The following DLG2 variants were observed in gnomAD, a reference collection of about 807,000 sequenced individuals.
The protein encoded by DLG2 is discs large MAGUK scaffold protein 2.
A neutral mutation model predicts 132.5 loss-of-function variants in DLG2; 45 were observed. The observed-to-expected ratio is 0.34, with a 90% CI of 0.27 to 0.44. The LOEUF is 0.44. Ranked by LOEUF, DLG2 falls within the 20% of genes least tolerant of loss-of-function variation. The pLI is 1.00. For synonymous variants in DLG2, 424 were observed against 419.6 expected (o/e 1.01, Z -0.13); for missense variants, 1,045 against 1,196.9 (o/e 0.87, Z 1.87).
chr11:85,611,674 T>C lies in DLG2; in HGVS notation c.-92-12886A>G, dbSNP rs532509277. On this transcript the variant is annotated intron_variant, in intron 2 of 27. Transcript: ENST00000376104. ...TTATAACTGGGAAAGGGAAAAAGAA[T>C]AAATGTGTATACAGATAGCAGATAT... Among the ~76,000 whole-genome samples the C allele has an allele frequency of 5.3e-5, 8 of 152,342 alleles. No homozygotes were observed. In the South Asian group the frequency reaches 1.7e-3, roughly 32 times the overall value.
intron 10 of DLG2, among the ~76,000 whole-genome samples, chr11:84,095,947 T>C (rs1277222619): frequency 1.3e-5 from 2 of 152,004 alleles, no homozygotes; most frequent in East Asian, 1.9e-4. Flanking sequence ...TAAAGACCAA[T>C]GGGTAGAGGC....
chr11:85,502,960 T>C (rs978412396), intron 3 of DLG2, among the ~76,000 whole-genome samples: 7 of 152,076 alleles, frequency 4.6e-5, no homozygotes, highest in Non-Finnish European at 2.9e-5. Flanking sequence ...CATTACAGCA[T>C]AATCCTGCAA....
chr11:83,786,034 A>C (rs769404732), intron 18 of DLG2, among the ~76,000 whole-genome samples: 22 of 152,220 alleles, frequency 1.4e-4, no homozygotes, highest in Non-Finnish European at 2.1e-4. Flanking sequence ...CAACCATACA[A>C]TAAGTAACAT....
intron 7 of DLG2, among the ~76,000 whole-genome samples, chr11:84,335,874 C>T (rs745927803): frequency 2.6e-5 from 4 of 151,968 alleles, no homozygotes; most frequent in Admixed American, 6.6e-5. Flanking sequence ...AGGGTAATAT[C>T]GATGATGATT....
chr11:84,084,835 A>G (rs1167833918), intron 10 of DLG2, among the ~76,000 whole-genome samples: 2 of 152,198 alleles, frequency 1.3e-5, no homozygotes, highest in Non-Finnish European at 2.9e-5. Flanking sequence ...AGTAAGTTCA[A>G]TTGATCAAGA....
At chr11:84,422,154 G>A (rs1398225126) in intron 7 of DLG2, among the ~76,000 whole-genome samples, 3 of 152,190 alleles carry the variant, frequency 2.0e-5, no homozygotes, top group Admixed American at 1.3e-4. Flanking sequence ...ATACTTAAAT[G>A]AGAATACATT....
At chr11:84,336,130 C>T (rs893776279) in intron 7 of DLG2, among the ~76,000 whole-genome samples, 7 of 152,112 alleles carry the variant, frequency 4.6e-5, no homozygotes, top group Admixed American at 1.3e-4. Context: ...TGGGGGGGCC[C>T]ATGCTTTGCC....
At chr11:83,670,513 A>T (rs1046444967) in intron 18 of DLG2, among the ~76,000 whole-genome samples, 5 of 152,142 alleles carry the variant, frequency 3.3e-5, no homozygotes, top group Non-Finnish European at 2.9e-5. Context: ...CACAGAAGAA[A>T]ATGAATACCT....
chr11:83,730,464 A>G (rs1448793035), intron 18 of DLG2, among the ~76,000 whole-genome samples: 1 of 152,174 alleles, frequency 6.6e-6, no homozygotes, highest in Non-Finnish European at 1.5e-5. Flanking sequence ...ATCAAGAAGA[A>G]GCAGATGTGG....
chr11:85,492,516 GTTTTC>G (rs1472820791), intron 3 of DLG2, among the ~76,000 whole-genome samples: 1 of 152,002 alleles, frequency 6.6e-6, no homozygotes, highest in Non-Finnish European at 1.5e-5. Flanking sequence ...CTGTATTTCT[GTTTTC>G]TTTTAACATT....
At chr11:84,712,237 T>C (rs1227691440) in intron 6 of DLG2, among the ~76,000 whole-genome samples, 3 of 152,110 alleles carry the variant, frequency 2.0e-5, no homozygotes, top group Admixed American at 6.6e-5. Context: ...GTGAACATAC[T>C]TTATTGGTGG....
intron 6 of DLG2, among the ~76,000 whole-genome samples, chr11:85,088,293 A>G (rs1256441593): frequency 1.3e-5 from 2 of 152,198 alleles, no homozygotes; most frequent in Non-Finnish European, 2.9e-5. Flanking sequence ...AAATGAAGGT[A>G]ATCGACAGAA....
At chr11:85,232,748 T>C (rs1184785159) in intron 4 of DLG2, among the ~76,000 whole-genome samples, 2 of 151,996 alleles carry the variant, frequency 1.3e-5, no homozygotes, top group Non-Finnish European at 2.9e-5. Context: ...GAATTCAGAA[T>C]GTGACAATAC....
At chr11:84,939,892 G>A (rs917155043) in intron 6 of DLG2, among the ~76,000 whole-genome samples, 6 of 152,314 alleles carry the variant, frequency 3.9e-5, no homozygotes, top group Admixed American at 1.3e-4. Context: ...ACATGAGAAT[G>A]CAGATATCTC....
At chr11:84,979,611 A>G (rs2055432973) in intron 6 of DLG2, among the ~76,000 whole-genome samples, 1 of 151,476 alleles carries the variant, frequency 6.6e-6, no homozygotes, top group African/African-American at 2.4e-5. Flanking sequence ...AACAATGAGA[A>G]CACTTGGACA....
At chr11:84,354,261 A>G (rs1303616760) in intron 7 of DLG2, among the ~76,000 whole-genome samples, 1 of 152,160 alleles carries the variant, frequency 6.6e-6, no homozygotes, top group Non-Finnish European at 1.5e-5. Flanking sequence ...GGGTTAAACT[A>G]CTCAATGCAT....
At chr11:85,410,215 G>A (rs2089191535) in intron 3 of DLG2, among the ~76,000 whole-genome samples, 1 of 151,748 alleles carries the variant, frequency 6.6e-6, no homozygotes, top group Non-Finnish European at 1.5e-5. Flanking sequence ...CCCATTATGA[G>A]AATCAGCACC....
chr11:83,726,119 A>T lies in DLG2; in HGVS notation c.1825+60571T>A, dbSNP rs143413257. Among the ~76,000 whole-genome samples, 775 of 152,362 alleles carry T rather than the reference A, an allele frequency of 5.1e-3. 8 individuals are homozygous for T. Among genetic ancestry groups the T allele is most frequent in the African/African-American group, 0.018 (737 of 41,586 alleles). Reference sequence around the variant, plus strand: ...TGTAAATGTTTTATTTTTTAAAAAAAATCAGCTGTGAATGTATTCATCAGA... The same window carrying T: ...TGTAAATGTTTTATTTTTTAAAAAATATCAGCTGTGAATGTATTCATCAGA... On this transcript the variant is annotated intron_variant, in intron 18 of 27. Transcript: ENST00000376104.
intron 4 of DLG2, among the ~76,000 whole-genome samples, chr11:85,260,706 C>A (rs1172600571): frequency 1.3e-5 from 2 of 152,204 alleles, no homozygotes; most frequent in Non-Finnish European, 2.9e-5. Flanking sequence ...TCTCTCTTGG[C>A]CATTCTGGTC....
Sources: allele counts gnomAD v4.1 joint callset (sites outside exome capture counted in the v4.1 genomes callset), GRCh38; gene constraint gnomAD v4.1.1; transcripts MANE v1.5; gene names NCBI Gene and HGNC (gene_info 2026-07-23, HGNC 2026-07-21).